MAP2K2: variants seen among roughly 807,000 people sequenced by gnomAD.
MAP2K2 encodes mitogen-activated protein kinase kinase 2.
Under a neutral mutation model 43.7 loss-of-function variants are expected in MAP2K2, and 24 were observed. That is an observed-to-expected ratio of 0.55 (90% CI 0.40 to 0.77). The LOEUF (loss-of-function observed/expected upper bound fraction) is 0.77, where lower values mean the gene tolerates loss of function less well. Ranked by LOEUF, MAP2K2 falls within the 30% of genes least tolerant of loss-of-function variation. The pLI, the probability that MAP2K2 is intolerant of heterozygous loss-of-function variation, is 0.00. For missense variants in MAP2K2, 470 were observed against 566.8 expected (o/e 0.83, Z 1.73); for synonymous variants, 244 against 239.7 (o/e 1.02, Z -0.17).
At chr19:4,094,389 A>T (rs1255285451) in intron 10 of MAP2K2, 64 bp downstream of exon 10, 1 of 1,524,016 alleles carries the variant, frequency 6.6e-7, no homozygotes, top group African/African-American at 1.4e-5. Flanking sequence ...CAGCAGCCTT[A>T]TTTCCTGGGG....
chr19:4,117,998 C>T (rs1199717672), intron 1 of MAP2K2, among the ~76,000 whole-genome samples: 1 of 151,996 alleles, frequency 6.6e-6, no homozygotes, highest in Non-Finnish European at 1.5e-5. Context: ...AATGCAGTGG[C>T]GCGATCTCGG....
At chr19:4,122,114 G>A (rs539638823) in intron 1 of MAP2K2, among the ~76,000 whole-genome samples, 6 of 83,510 alleles carry the variant, frequency 7.2e-5, no homozygotes, top group African/African-American at 3.1e-4. Flanking sequence ...CTCTCAGCCT[G>A]TCCTCCCCAC....
In MAP2K2 at chr19:4,095,507, G is replaced by A. The variant is rs974668712; in HGVS notation, c.985-58C>T. On this transcript the variant is annotated intron_variant, in intron 8 of 10. Transcript: ENST00000262948. ...TGGGCATCGTCAGGGACCCTCGGCT[G>A]CAGCCCTCTCTACCCCTCACTGTCC... 7 of 1,430,198 alleles carry A rather than the reference G, an allele frequency of 4.9e-6. No individual in the cohort carries two copies. The African/African-American group carries it at 9.9e-5, about 20-fold the overall frequency. 88.6% of individuals were successfully genotyped at this position (1,430,198 alleles called of 1,614,324 possible). A position where few individuals can be genotyped will look rare whatever the true frequency, so the allele number is the denominator to read the frequency against.
At chr19:4,099,761 G>GT (rs1482933161) in intron 6 of MAP2K2, 2 of 345,700 alleles carry the variant, frequency 5.8e-6, no homozygotes, top group African/African-American at 4.1e-5. Context: ...AATTTGGCAG[G>GT]TTGCTGAATC....
chr19:4,095,634 C>T (rs987884379), intron 8 of MAP2K2, among the ~76,000 whole-genome samples, 185 bp from the exon 9 acceptor site: 2 of 152,208 alleles, frequency 1.3e-5, no homozygotes, highest in African/African-American at 2.4e-5. Context: ...TTGAGAGTCA[C>T]GGCTGCTTAG....
rs531823623 is a variant in MAP2K2, at chr19:4,098,284, A to T, written c.919+917T>A. Among the ~76,000 whole-genome samples the T allele has an allele frequency of 4.6e-5, 7 of 152,194 alleles. No individual in the cohort carries two copies. The South Asian group carries it at 1.5e-3, about 32-fold the overall frequency. ...GTCCAGAGGCAGGAAGGGGATGGAG[A>T]GTGACAGCTGATGGGGACAGGGTTT... is the stretch of plus-strand genomic sequence containing the variant. On this transcript the variant is annotated intron_variant, in intron 7 of 10. Coordinates refer to ENST00000262948, the MANE Select transcript of MAP2K2 (RefSeq NM_030662.4).
chr19:4,093,860 T>C, intron 10 of MAP2K2, among the ~76,000 whole-genome samples: 1 of 152,120 alleles, frequency 6.6e-6, no homozygotes, highest in East Asian at 1.9e-4. Flanking sequence ...TGAAGGTCGC[T>C]GACGGTGGCT....
intron 2 of MAP2K2, among the ~76,000 whole-genome samples, chr19:4,112,257 C>T (rs776011456): frequency 1.4e-4 from 21 of 152,158 alleles, no homozygotes; most frequent in African/African-American, 2.4e-4. Flanking sequence ...GGGGTCAGGA[C>T]GGGAACAGGA....
At chr19:4,102,244 T>G in intron 4 of MAP2K2, 132 bp downstream of exon 4, 1 of 785,474 alleles carries the variant, frequency 1.3e-6, no homozygotes, top group Non-Finnish European at 2.2e-6. Context: ...GGGCACAGCC[T>G]TGGCCACTCT....
chr19:4,097,228 A>AG, intron 8 of MAP2K2, 51 bp downstream of exon 8: 2 of 1,131,902 alleles, frequency 1.8e-6, no homozygotes, highest in Non-Finnish European at 2.5e-6. Context: ...AAAAAAAAAA[A>AG]GAAAGAAGAA....
At chr19:4,093,887 C>T (rs367850578) in intron 10 of MAP2K2, among the ~76,000 whole-genome samples, 3 of 152,244 alleles carry the variant, frequency 2.0e-5, no homozygotes, top group African/African-American at 4.8e-5. Context: ...TGGGAAAGCA[C>T]TCGGGATGCA....
intron 10 of MAP2K2, among the ~76,000 whole-genome samples, chr19:4,092,049 G>A (rs538877322): frequency 6.6e-6 from 1 of 152,286 alleles, no homozygotes; most frequent in African/African-American, 2.4e-5. Flanking sequence ...GGAGGAGGGC[G>A]GGTGCCCTTG....
chr19:4,112,596 C>A (rs2041167660), intron 2 of MAP2K2, among the ~76,000 whole-genome samples: 1 of 152,148 alleles, frequency 6.6e-6, no homozygotes, highest in Non-Finnish European at 1.5e-5. Context: ...GCCCACCTCC[C>A]CCCGCCCGGC....
Position 4,101,285 on chromosome 19 carries a change from AG to A in MAP2K2, c.529-6del. On this transcript the variant is annotated splice_polypyrimidine_tract_variant and splice_region_variant and intron_variant, in intron 4 of 10. Coordinates refer to ENST00000262948, the MANE Select transcript of MAP2K2 (RefSeq NM_030662.4). This position sits in a 1 kb window ranked among gnomAD's most constrained non-coding sequence, Gnocchi z 6.3. ...GTACGCCAAGCCCCGGAGAACCTGC[AG>A]GGGAGCGCGGAGGGAGTCACGGGAC... 2 of 1,577,410 alleles carry A rather than the reference AG, an allele frequency of 1.3e-6. No homozygotes were observed. The highest frequency in any genetic ancestry group is 1.7e-6 in the Non-Finnish European group (2 of 1,162,278).
intron 3 of MAP2K2, among the ~76,000 whole-genome samples, chr19:4,109,993 G>A (rs2041134330): frequency 6.6e-6 from 1 of 152,114 alleles, no homozygotes; most frequent in African/African-American, 2.4e-5. Context: ...CTGGGAGGAA[G>A]ACATGAGTGC....
At chr19:4,100,519 A>AG (rs1035910370) in intron 6 of MAP2K2, 31 of 154,928 alleles carry the variant, frequency 2.0e-4, no homozygotes, top group Admixed American at 6.2e-5. Context: ...CAGGAAGGGG[A>AG]GATCTGGCCG....
chr19:4,113,482 G>GC (rs926597551), intron 2 of MAP2K2, among the ~76,000 whole-genome samples: 16 of 152,248 alleles, frequency 1.1e-4, no homozygotes, highest in Non-Finnish European at 1.9e-4. Context: ...ACCCTGACAA[G>GC]CCCGGGGGAT....
chr19:4,090,558 T>C lies in MAP2K2; in HGVS notation c.*40A>G, dbSNP rs1449764381. 2 of 1,478,774 alleles carry C rather than the reference T, an allele frequency of 1.4e-6. No individual in the cohort carries two copies. Among genetic ancestry groups the C allele is most frequent in the African/African-American group, 2.8e-5 (2 of 71,588 alleles). 91.6% of individuals were successfully genotyped at this position (1,478,774 alleles called of 1,614,324 possible). ...AAGGGCGGGGCATGGACAGGGACGG[T>C]GGGCAGGTCACCAGCGGGACGCAGG... is the stretch of plus-strand genomic sequence containing the variant. On this transcript the variant is annotated 3_prime_UTR_variant, in exon 11 of 11. Transcript: ENST00000262948.
chr19:4,096,125 C>G (rs1397226671), intron 8 of MAP2K2, among the ~76,000 whole-genome samples: 1 of 152,248 alleles, frequency 6.6e-6, no homozygotes, highest in Middle Eastern at 3.2e-3. Context: ...TGGCCTGACA[C>G]ACGTCCCCGG....
Sources: gnomAD v4.1 joint callset for allele counts (sites outside exome capture counted in the v4.1 genomes callset) on GRCh38, gnomAD v4.1.1 for gene constraint, Gnocchi (gnomAD v3.1) non-coding constraint, MANE v1.5 for transcripts, NCBI Gene and HGNC (gene_info 2026-07-23, HGNC 2026-07-21) for gene names.